Variants in ADGRG7 observed in about 807,000 individuals in gnomAD.
ADGRG7 encodes the protein G-protein coupled receptor 128.
ADGRG7 carries 82 observed loss-of-function variants against 88.6 expected under a neutral mutation model. That is an observed-to-expected ratio of 0.93 (90% CI 0.77 to 1.11). The LOEUF (loss-of-function observed/expected upper bound fraction) is 1.11. ADGRG7 is among the 50% of genes most tolerant of loss of function. The probability of loss-of-function intolerance (pLI) is 0.00; values close to 1 mark genes in which losing one functional copy is unlikely to be tolerated. For synonymous variants in ADGRG7, 381 were observed against 345.2 expected, an observed-to-expected ratio of 1.10 and a Z score of -1.15; for missense variants, 945 against 953.4, an observed-to-expected ratio of 0.99 and a Z score of 0.12.
intron 15 of ADGRG7, among the ~76,000 whole-genome samples, chr3:100,693,150 G>T (rs955287634): frequency 6.6e-6 from 1 of 152,158 alleles, no homozygotes; most frequent in Non-Finnish European, 1.5e-5. Context: ...CAACAGGATG[G>T]TGTTTTTATG....
In ADGRG7 at chr3:100,690,107, G is replaced by A. The variant is rs552169813; in HGVS notation, c.2137-4637G>A. On this transcript the variant is annotated intron_variant, in intron 15 of 15. Coordinates refer to ENST00000273352, the MANE Select transcript of ADGRG7 (RefSeq NM_032787.3). ...CTTTTTTCTCTAAACTTCCCGTCTC[G>A]CTTCATTTCATTCATTTCATCTTCC... Among the ~76,000 whole-genome samples, 21 of 152,046 alleles carry A rather than the reference G, an allele frequency of 1.4e-4. No individual in the cohort carries two copies. The South Asian group carries it at 1.9e-3, about 14-fold the overall frequency.
chr3:100,626,536 C>T (rs1315281892), intron 1 of ADGRG7, among the ~76,000 whole-genome samples: 1 of 152,106 alleles, frequency 6.6e-6, no homozygotes, highest in Non-Finnish European at 1.5e-5. Flanking sequence ...CCTGTAATCC[C>T]AGCACTTTGG....
At chr3:100,652,913 A>G (rs990180594) in intron 11 of ADGRG7, among the ~76,000 whole-genome samples, 1 of 152,134 alleles carries the variant, frequency 6.6e-6, no homozygotes, top group African/African-American at 2.4e-5. Flanking sequence ...ATGAGAAGGG[A>G]AAAAAAGGCA....
chr3:100,683,200 A>T (rs1196053502), intron 15 of ADGRG7, among the ~76,000 whole-genome samples: 2 of 152,186 alleles, frequency 1.3e-5, no homozygotes, highest in African/African-American at 4.8e-5. Context: ...TGGATGCAGG[A>T]CAAGAACTAG....
Position 100,684,257 on chromosome 3 carries a change from C to CTATCTATTTATTTATTTATT in ADGRG7, c.2137-10484_2137-10483insCTATTTATTTATTTATTTAT, listed in dbSNP as rs146037474. Reference sequence around the variant, plus strand: ...TTTTCTCATAGTTTTTCCATTTTATCTATTTATTTATTTATTTATTTATTG... The same window carrying CTATCTATTTATTTATTTATT: ...TTTTCTCATAGTTTTTCCATTTTATCTATCTATTTATTTATTTATTTATTTATTTATTTATTTATTTATTG... On this transcript the variant is annotated intron_variant, in intron 15 of 15. Coordinates refer to ENST00000273352, the MANE Select transcript of ADGRG7 (RefSeq NM_032787.3). 6.3e-4 allele frequency among the ~76,000 whole-genome samples: 92 copies of CTATCTATTTATTTATTTATT among 145,340 alleles called. 1 individual carries two copies. Among genetic ancestry groups the CTATCTATTTATTTATTTATT allele is most frequent in the Admixed American group, 5.5e-3 (80 of 14,488 alleles).
intron 1 of ADGRG7, among the ~76,000 whole-genome samples, chr3:100,620,416 A>G (rs1281570635): frequency 2.0e-5 from 3 of 152,218 alleles, no homozygotes; most frequent in East Asian, 3.8e-4. Context: ...TCTCAAAATA[A>G]TAAGAGTTAT....
intron 9 of ADGRG7, 149 bp downstream of exon 9, chr3:100,646,257 C>A: frequency 1.4e-6 from 1 of 706,534 alleles, no homozygotes; most frequent in South Asian, 2.0e-5. Context: ...AATAAAAATT[C>A]AGACCACTCT....
intron 10 of ADGRG7, among the ~76,000 whole-genome samples, chr3:100,647,148 C>T (rs1419044579): frequency 6.6e-6 from 1 of 152,122 alleles, no homozygotes; most frequent in African/African-American, 2.4e-5. Context: ...CAGAGTGAGA[C>T]TCTGTCTCGA....
chr3:100,642,708 C>G (rs1222003805), intron 6 of ADGRG7, among the ~76,000 whole-genome samples: 5 of 152,192 alleles, frequency 3.3e-5, no homozygotes, highest in African/African-American at 1.2e-4. Context: ...TTGAACTTAG[C>G]CAAAGTAGAA....
At chr3:100,656,030 G>A in intron 13 of ADGRG7, 35 bp downstream of exon 13, 4 of 1,316,318 alleles carry the variant, frequency 3.0e-6, no homozygotes, top group Non-Finnish European at 4.4e-6. Context: ...CCAATTGTTT[G>A]ACCTAAAAGT....
At chr3:100,687,500 A>G (rs1345515394) in intron 15 of ADGRG7, among the ~76,000 whole-genome samples, 3 of 152,146 alleles carry the variant, frequency 2.0e-5, no homozygotes, top group African/African-American at 7.2e-5. Context: ...TCAGTATGAT[A>G]TTGGCTGTGC....
At chr3:100,642,352 C>G (rs1707654947) in intron 6 of ADGRG7, among the ~76,000 whole-genome samples, 1 of 152,202 alleles carries the variant, frequency 6.6e-6, no homozygotes, top group African/African-American at 2.4e-5. Flanking sequence ...ATCAGAGGAT[C>G]TAACCTGAAT....
At chr3:100,683,763 C>G (rs904509805) in intron 15 of ADGRG7, among the ~76,000 whole-genome samples, 2 of 152,224 alleles carry the variant, frequency 1.3e-5, no homozygotes, top group African/African-American at 4.8e-5. Context: ...TGAAACAACA[C>G]CCCAAGGATC....
chr3:100,665,466 G>T (rs2149033353), intron 14 of ADGRG7: 1 of 532,290 alleles, frequency 1.9e-6, no homozygotes, highest in East Asian at 5.4e-5. Context: ...AACCACCAAA[G>T]ACTCACTCAT....
At chr3:100,649,674 G>T in intron 10 of ADGRG7, 21 bp from the exon 11 acceptor site, 2 of 1,303,254 alleles carry the variant, frequency 1.5e-6, no homozygotes, top group South Asian at 2.4e-5. Context: ...TTAAAAATAT[G>T]AGTCTTACCT....
intron 15 of ADGRG7, among the ~76,000 whole-genome samples, chr3:100,692,522 A>G (rs949625927): frequency 2.0e-5 from 3 of 152,198 alleles, no homozygotes; most frequent in Admixed American, 6.5e-5. Flanking sequence ...ACAAAGTGTT[A>G]ATGGTAAAAT....
In ADGRG7 at chr3:100,633,308, TG is replaced by T. The variant is rs1401231064; in HGVS notation, c.380del (p.Gly127GlufsTer3). 7.6e-6 allele frequency: 12 copies of T among 1,587,308 alleles called. No homozygotes were observed. Among genetic ancestry groups the T allele is most frequent in the Non-Finnish European group, 1.0e-5 (12 of 1,166,424 alleles). ...AVRLCSLSLY[G>X]EIELQKVTIG... ...TCCGGTTGTGCAGTCTCTCTCTATA[TG>T]GAGAGATAGAATTACAAAAAGTGAC... On this transcript the variant is annotated frameshift_variant, in exon 4 of 16. Coordinates refer to ENST00000273352, the MANE Select transcript of ADGRG7 (RefSeq NM_032787.3). LOFTEE classifies it high-confidence loss of function.
At chr3:100,649,597 T>C in intron 10 of ADGRG7, 98 bp from the exon 11 acceptor site, 1 of 616,926 alleles carries the variant, frequency 1.6e-6, no homozygotes, top group South Asian at 2.3e-5. Flanking sequence ...ATCTGGCAAC[T>C]GTCTGGTTAT....
At chr3:100,637,716 C>A in intron 6 of ADGRG7, 1 of 287,468 alleles carries the variant, frequency 3.5e-6, no homozygotes, top group Non-Finnish European at 6.6e-6. Flanking sequence ...CACAGCAAGA[C>A]CTCTTCCAAA....
Sources: gnomAD v4.1 joint callset for allele counts (sites outside exome capture counted in the v4.1 genomes callset) on GRCh38, gnomAD v4.1.1 for gene constraint, MANE v1.5 for transcripts, NCBI Gene and HGNC (gene_info 2026-07-23, HGNC 2026-07-21) for gene names.